TSPAN14: variants seen among roughly 807,000 people sequenced by gnomAD.
TSPAN14 encodes tetraspanin-14.
In TSPAN14, 16 loss-of-function variants were observed where a neutral mutation model predicts 36.6. The ratio of observed to expected loss-of-function variants is 0.44; its 90% CI spans 0.30 to 0.66. TSPAN14 has a LOEUF of 0.66. Among genes scored for constraint, TSPAN14 ranks in the 30% least tolerant of loss-of-function variants. TSPAN14 has a pLI of 0.12. For synonymous variants in TSPAN14, 139 were observed against 143.8 expected (o/e 0.97, Z 0.24); for missense variants, 231 against 355.1 (o/e 0.65, Z 2.81).
At chr10:80,510,822 C>G (rs375891675) in intron 5 of TSPAN14, among the ~76,000 whole-genome samples, 2 of 151,956 alleles carry the variant, frequency 1.3e-5, no homozygotes, top group Admixed American at 6.6e-5. Context: ...GGCAGTGAGC[C>G]GAGATCACGC....
At chr10:80,486,528 T>C (rs1430503298) in intron 1 of TSPAN14, among the ~76,000 whole-genome samples, 1 of 152,222 alleles carries the variant, frequency 6.6e-6, no homozygotes, top group Non-Finnish European at 1.5e-5. Context: ...TTCTTACTGC[T>C]TCCGGAGAGT....
chr10:80,455,116 C>T (rs1268547055), intron 1 of TSPAN14, among the ~76,000 whole-genome samples: 1 of 152,156 alleles, frequency 6.6e-6, no homozygotes, highest in Admixed American at 6.5e-5. Flanking sequence ...TGCTTCTCCT[C>T]CACCCCCAGG....
intron 2 of TSPAN14, among the ~76,000 whole-genome samples, chr10:80,499,306 G>A (rs989145749): frequency 6.6e-6 from 1 of 152,202 alleles, no homozygotes. Flanking sequence ...GACCAGCCCA[G>A]AGTGCCCCAA....
At chr10:80,490,096 G>A (rs1194573180) in intron 2 of TSPAN14, among the ~76,000 whole-genome samples, 1 of 152,214 alleles carries the variant, frequency 6.6e-6, no homozygotes, top group Non-Finnish European at 1.5e-5. Flanking sequence ...ACTTTCTACT[G>A]CTTTAAATAA....
rs116751473 is a variant in TSPAN14 at position 80,489,404 on chromosome 10, A to G, written c.81+90A>G. Reference sequence around the variant, plus strand: ...ACACACTCTTGATTTGCCAGACACTATGTAAGGCTCTGGGATAAGGTGGTG... The same window carrying G: ...ACACACTCTTGATTTGCCAGACACTGTGTAAGGCTCTGGGATAAGGTGGTG... On this transcript the variant is annotated intron_variant, in intron 2 of 8. Coordinates refer to ENST00000429989, the Ensembl canonical transcript of TSPAN14. The G allele has an allele frequency of 4.0e-3, 3,718 of 941,058 alleles. 93 individuals carry two copies. In the African/African-American group the frequency reaches 0.054, roughly 14 times the overall value. The allele number at this position is 941,058 out of a possible 1,614,324, so 58.3% of individuals were successfully genotyped here. A position where few individuals can be genotyped will look rare whatever the true frequency, so the allele number is the denominator to read the frequency against.
At chr10:80,491,699 C>G (rs919355077) in intron 2 of TSPAN14, among the ~76,000 whole-genome samples, 1 of 152,168 alleles carries the variant, frequency 6.6e-6, no homozygotes, top group African/African-American at 2.4e-5. Flanking sequence ...AGCAAGTCTG[C>G]TTGGTGGTTG....
At chr10:80,469,684 G>C (rs1846432497) in intron 1 of TSPAN14, among the ~76,000 whole-genome samples, 1 of 152,122 alleles carries the variant, frequency 6.6e-6, no homozygotes, top group African/African-American at 2.4e-5. Flanking sequence ...CCTCTCTTTT[G>C]ACATTCACAA....
chr10:80,521,928 AAAG>A (rs1369214739), exon 9 of TSPAN14: 3 of 151,826 alleles, frequency 2.0e-5, no homozygotes, highest in African/African-American at 4.8e-5. Flanking sequence ...AAAAAAAAAA[AAAG>A]GCCCGTTCAT....
chr10:80,507,149 TA>T, intron 3 of TSPAN14, 78 bp from the exon 4 acceptor site: 1 of 1,559,722 alleles, frequency 6.4e-7, no homozygotes, highest in Non-Finnish European at 8.8e-7. Flanking sequence ...CTGTTTTCAG[TA>T]CCACCTGCAT....
At chr10:80,484,048 C>T (rs1206191194) in intron 1 of TSPAN14, among the ~76,000 whole-genome samples, 1 of 149,866 alleles carries the variant, frequency 6.7e-6, no homozygotes, top group Non-Finnish European at 1.5e-5. Flanking sequence ...AGTTCAAAAC[C>T]AGCCTGGGCA....
At chr10:80,485,561 G>C in intron 1 of TSPAN14, 1 of 888,818 alleles carries the variant, frequency 1.1e-6, no homozygotes, top group Non-Finnish European at 1.3e-6. Flanking sequence ...GGAGGATGTG[G>C]CTTAGGCTGG....
intron 5 of TSPAN14, among the ~76,000 whole-genome samples, 194 bp from the exon 6 acceptor site, chr10:80,511,950 T>C (rs1364897027): frequency 6.6e-6 from 1 of 152,004 alleles, no homozygotes; most frequent in Non-Finnish European, 1.5e-5. Flanking sequence ...TACGCCTAGC[T>C]GTTTTCTTCT....
intron 1 of TSPAN14, among the ~76,000 whole-genome samples, chr10:80,467,518 T>C (rs1001642387): frequency 6.6e-6 from 1 of 152,184 alleles, no homozygotes; most frequent in African/African-American, 2.4e-5. Flanking sequence ...AGAGGAACTT[T>C]GGGAACATTT....
intron 1 of TSPAN14, among the ~76,000 whole-genome samples, chr10:80,466,945 G>A (rs1369181143): frequency 2.0e-5 from 3 of 152,174 alleles, no homozygotes; most frequent in African/African-American, 7.2e-5. Context: ...TCTTTAATTT[G>A]TAATTCGTTA....
At chr10:80,456,559 C>T (rs545018575) in intron 1 of TSPAN14, among the ~76,000 whole-genome samples, 31 of 152,336 alleles carry the variant, frequency 2.0e-4, no homozygotes, top group African/African-American at 7.0e-4. Context: ...TCTATGCCAC[C>T]ATGTGCTCAG....
chr10:80,488,545 G>A (rs891928360), intron 1 of TSPAN14, among the ~76,000 whole-genome samples: 3 of 151,946 alleles, frequency 2.0e-5, no homozygotes, highest in African/African-American at 7.3e-5. Context: ...GCGAGTGACA[G>A]GGGAGGGAGG....
intron 1 of TSPAN14, among the ~76,000 whole-genome samples, chr10:80,482,696 T>G (rs1479862089): frequency 6.6e-6 from 1 of 151,088 alleles, no homozygotes; most frequent in Non-Finnish European, 1.5e-5. Context: ...AAACCCTTGT[T>G]TAGTGGTTTC....
chr10:80,487,776 C>T (rs970540180), intron 1 of TSPAN14, among the ~76,000 whole-genome samples: 1 of 152,032 alleles, frequency 6.6e-6, no homozygotes. Flanking sequence ...GCTGGGTAGC[C>T]GTCTGCCTGT....
chr10:80,492,173 C>T (rs1222770976), intron 2 of TSPAN14, among the ~76,000 whole-genome samples: 2 of 152,116 alleles, frequency 1.3e-5, no homozygotes, highest in African/African-American at 4.8e-5. Context: ...CAAGCCCTTA[C>T]CTCTTCAGAT....
Sources: gnomAD v4.1 joint callset for allele counts (sites outside exome capture counted in the v4.1 genomes callset) on GRCh38, gnomAD v4.1.1 for gene constraint, MANE v1.5 for transcripts, NCBI Gene and HGNC (gene_info 2026-07-23, HGNC 2026-07-21) for gene names.